The following NCMAP variants were observed in gnomAD, a reference collection of about 807,000 sequenced individuals.
NCMAP encodes noncompact myelin-associated protein.
A neutral mutation model predicts 7.8 loss-of-function variants in NCMAP; 8 were observed. The observed-to-expected ratio is 1.02, with a 90% CI of 0.60 to 1.84. The LOEUF is 1.84. NCMAP is among the 40% of genes most tolerant of loss of function. The probability of loss-of-function intolerance (pLI) is 0.00; values close to 1 mark genes in which losing one functional copy is unlikely to be tolerated. For synonymous variants in NCMAP, 41 were observed against 52.9 expected, an observed-to-expected ratio of 0.78 and a Z score of 0.98; for missense variants, 112 against 131.4, an observed-to-expected ratio of 0.85 and a Z score of 0.72.
At position 24,587,337 on chromosome 1, in the gene NCMAP, T is replaced by C. The variant is rs115164166; in HGVS notation, c.-7-8087T>C. ...GGTGTTTTGAAGGGCAGAAAGCTCC[T>C]CTGCTTAAAAACAGATTGGCTTCGC... is the stretch of plus-strand genomic sequence containing the variant. On this transcript the variant is annotated intron_variant, in intron 1 of 3. Transcript: ENST00000374392. Among the ~76,000 whole-genome samples the C allele has an allele frequency of 7.8e-3, 1,188 of 152,300 alleles. 17 individuals carry two copies. The highest frequency in any genetic ancestry group is 0.027 in the African/African-American group (1,135 of 41,574).
intron 2 of NCMAP, 102 bp from the exon 3 acceptor site, chr1:24,600,838 C>A: frequency 1.0e-6 from 1 of 956,576 alleles, no homozygotes; most frequent in Non-Finnish European, 1.7e-6. Flanking sequence ...TTCTCTCCTG[C>A]CTCCCTTGAC....
In NCMAP at chr1:24,605,691, C is replaced by T. The variant is rs1221223801; in HGVS notation, c.253C>T (p.Gln85Ter). The change falls in exon 4 of 4, where the codon CAA (glutamine) becomes TAA (stop). Residue 85 changes from glutamine (Q) to a stop codon, truncating the protein, a stop_gained. Coordinates refer to ENST00000374392, the MANE Select transcript of NCMAP (RefSeq NM_001010980.5). LOFTEE classifies it high-confidence loss of function. ...SAVGPNSNGS[Q>*]HPATVTFSPV... ...CGTGGGCCCAAACAGCAACGGCAGC[C>T]AACACCCAGCAACTGTGACCTTCAG... is the stretch of plus-strand genomic sequence containing the variant. 1.2e-6 allele frequency: 2 copies of T among 1,614,176 alleles called. No individual in the cohort carries two copies. Among genetic ancestry groups the T allele is most frequent in the Admixed American group, 1.7e-5 (1 of 60,008 alleles).
chr1:24,569,714 T>G (rs1011518178), intron 1 of NCMAP, among the ~76,000 whole-genome samples: 1 of 150,564 alleles, frequency 6.6e-6, no homozygotes. Flanking sequence ...AGGGCTGGCA[T>G]GGAATGAAAT....
chr1:24,592,374 T>C (rs1463701343), intron 1 of NCMAP, among the ~76,000 whole-genome samples: 1 of 152,186 alleles, frequency 6.6e-6, no homozygotes, highest in African/African-American at 2.4e-5. Context: ...CTCCCAGCAC[T>C]GAGCCCAGCA....
At chr1:24,558,169 G>T (rs888305717) in intron 1 of NCMAP, among the ~76,000 whole-genome samples, 17 of 152,200 alleles carry the variant, frequency 1.1e-4, no homozygotes, top group African/African-American at 3.9e-4. Context: ...GTTGGGAGGC[G>T]CTGGACCCCC....
In NCMAP at chr1:24,570,112, T is replaced by TA. The variant is rs1160275307; in HGVS notation, c.-8+13943_-8+13944insA. On this transcript the variant is annotated intron_variant, in intron 1 of 3. Coordinates refer to ENST00000374392, the MANE Select transcript of NCMAP (RefSeq NM_001010980.5). Reference sequence around the variant, plus strand: ...GATGTGAGCCACCACACCTGGAAATTTTTTTTTTTTTTTTGTGGAGACGGG... The same window carrying TA: ...GATGTGAGCCACCACACCTGGAAATTATTTTTTTTTTTTTTGTGGAGACGGG... Among the ~76,000 whole-genome samples, 3 of 143,166 alleles carry TA rather than the reference T, an allele frequency of 2.1e-5. 1 individual carries two copies. The highest frequency in any genetic ancestry group is 8.0e-5 in the African/African-American group (3 of 37,726). 93.9% of individuals were successfully genotyped at this position (143,166 alleles called of 152,430 possible).
chr1:24,580,651 A>G (rs1049361679), intron 1 of NCMAP, among the ~76,000 whole-genome samples: 4 of 152,156 alleles, frequency 2.6e-5, no homozygotes, highest in African/African-American at 9.7e-5. Flanking sequence ...GGGTTTCACC[A>G]TGTTTTGTCA....
chr1:24,557,375 G>A (rs1243541477), intron 1 of NCMAP, among the ~76,000 whole-genome samples: 1 of 152,014 alleles, frequency 6.6e-6, no homozygotes, highest in African/African-American at 2.4e-5. Context: ...CCCTCTTATG[G>A]TGCATGTGTG....
chr1:24,594,128 G>A (rs985256141), intron 1 of NCMAP, among the ~76,000 whole-genome samples: 1 of 151,998 alleles, frequency 6.6e-6, no homozygotes, highest in Non-Finnish European at 1.5e-5. Flanking sequence ...CTGACCTCAG[G>A]TGATCTGCCC....
At chr1:24,572,402 C>T (rs556104203) in intron 1 of NCMAP, among the ~76,000 whole-genome samples, 11 of 150,864 alleles carry the variant, frequency 7.3e-5, no homozygotes, top group Admixed American at 4.6e-4. Context: ...TGCTCTTTCC[C>T]GAGGCAGTCA....
intron 1 of NCMAP, among the ~76,000 whole-genome samples, chr1:24,585,048 C>G (rs1211861681): frequency 1.3e-5 from 2 of 152,038 alleles, no homozygotes; most frequent in Admixed American, 1.3e-4. Context: ...AAAATGTGCT[C>G]CCTTATTTCT....
At position 24,605,743 on chromosome 1, in the gene NCMAP, G is replaced by T; in HGVS notation, c.305G>T (p.Arg102Leu). Residue 102 changes from arginine (R) to leucine (L), a missense_variant, in exon 4 of 4, where the codon CGA becomes CTA. Coordinates refer to ENST00000374392, the MANE Select transcript of NCMAP (RefSeq NM_001010980.5). ...FSPVDVQVET[R>L] Reference sequence around the variant, plus strand: ...CCTGTTGACGTCCAGGTGGAGACGCGATGACCTCTACCCTGGCGCTATCTC... The same window carrying T: ...CCTGTTGACGTCCAGGTGGAGACGCTATGACCTCTACCCTGGCGCTATCTC... The T allele has an allele frequency of 1.2e-6, 2 of 1,614,082 alleles. No homozygotes were observed. Among genetic ancestry groups the T allele is most frequent in the Non-Finnish European group, 8.5e-7 (1 of 1,179,998 alleles).
chr1:24,581,496 C>G (rs1420080415), intron 1 of NCMAP, among the ~76,000 whole-genome samples: 4 of 152,204 alleles, frequency 2.6e-5, no homozygotes, highest in Non-Finnish European at 4.4e-5. Flanking sequence ...ATCCTTCTTA[C>G]CTGTAAGTTC....
At chr1:24,594,636 C>T (rs1336964974) in intron 1 of NCMAP, among the ~76,000 whole-genome samples, 1 of 152,226 alleles carries the variant, frequency 6.6e-6, no homozygotes, top group East Asian at 1.9e-4. Context: ...TACGCCCCAA[C>T]CATGCCCATT....
intron 1 of NCMAP, among the ~76,000 whole-genome samples, chr1:24,594,050 C>A (rs549865328): frequency 6.6e-6 from 1 of 150,820 alleles, no homozygotes; most frequent in Admixed American, 6.7e-5. Context: ...CACCACCATG[C>A]CTGGCTAATT....
chr1:24,564,006 C>A (rs573632469), intron 1 of NCMAP: 127 of 152,146 alleles, frequency 8.3e-4, no homozygotes, highest in African/African-American at 2.9e-3. Context: ...TAAAAAACTG[C>A]TGCAATGAAC....
chr1:24,577,401 GTTTTTTTTTTTT>G (rs71577720), intron 1 of NCMAP, among the ~76,000 whole-genome samples: 5 of 39,956 alleles, frequency 1.3e-4, no homozygotes, highest in African/African-American at 2.1e-4. Context: ...CACTGGCCTT[GTTTTTTTTTTTT>G]TTTTTTTTTT....
chr1:24,598,626 C>CT lies in NCMAP; in HGVS notation c.83-2311dup, dbSNP rs1162003739. ...AATCTCTTCTATTTTCTTTTCTTTT[C>CT]TTTCTTTTTTTTTTCTTTTTTGAGA... On this transcript the variant is annotated intron_variant, in intron 2 of 3. Transcript: ENST00000374392. Among the ~76,000 whole-genome samples, 4 of 150,690 alleles carry CT rather than the reference C, an allele frequency of 2.7e-5. No individual in the cohort carries two copies. In the East Asian group the frequency reaches 7.8e-4, roughly 29 times the overall value.
chr1:24,569,972 A>G (rs1472502535), intron 1 of NCMAP, among the ~76,000 whole-genome samples: 3 of 149,860 alleles, frequency 2.0e-5, no homozygotes, highest in East Asian at 1.9e-4. Flanking sequence ...TTTTGAGACA[A>G]TTTTTCTTGC....
Sources: gnomAD v4.1 joint callset for allele counts (sites outside exome capture counted in the v4.1 genomes callset) on GRCh38, gnomAD v4.1.1 for gene constraint, MANE v1.5 for transcripts, NCBI Gene and HGNC (gene_info 2026-07-23, HGNC 2026-07-21) for gene names.